Variants in WNT9B observed in about 807,000 individuals in gnomAD.
The protein encoded by WNT9B is Wnt family member 9B, also known as protein Wnt-9b.
A neutral mutation model predicts 30.2 loss-of-function variants in WNT9B; 12 were observed. The ratio of observed to expected loss-of-function variants is 0.40; its 90% CI spans 0.26 to 0.64. The LOEUF is 0.64. Among genes scored for constraint, WNT9B ranks in the 30% least tolerant of loss-of-function variants. The pLI, the probability that WNT9B is intolerant of heterozygous loss-of-function variation, is 0.42. For synonymous variants in WNT9B, 218 were observed against 216.9 expected, an observed-to-expected ratio of 1.01 and a Z score of -0.05; for missense variants, 442 against 485.2, an observed-to-expected ratio of 0.91 and a Z score of 0.84.
At position 46,876,991 on chromosome 17, in the gene WNT9B, G is replaced by A. The variant is rs1031546894; in HGVS notation, c.*273G>A. 3.1e-6 allele frequency: 4 copies of A among 1,276,754 alleles called. No individual in the cohort carries two copies. The highest frequency in any genetic ancestry group is 3.9e-6 in the Non-Finnish European group (4 of 1,014,064). The allele number at this position is 1,276,754 out of a possible 1,614,324, so 79.1% of individuals were successfully genotyped here. A position where few individuals can be genotyped will look rare whatever the true frequency, so the allele number is the denominator to read the frequency against. ...AGGAGGGCAGAGTGAGAAAGACATG[G>A]AGGGAAATAAGGGAGACCAAGAGCA... On this transcript the variant is annotated 3_prime_UTR_variant, in exon 4 of 4. Transcript: ENST00000290015.
At chr17:46,861,351 G>A (rs1039768729) in intron 1 of WNT9B, among the ~76,000 whole-genome samples, 1 of 152,124 alleles carries the variant, frequency 6.6e-6, no homozygotes, top group African/African-American at 2.4e-5. Context: ...AGTGCTCCCT[G>A]GTCTGCAGTG....
Position 46,877,938 on chromosome 17 carries a change from C to T in WNT9B, c.*1220C>T, listed in dbSNP as rs1258250494. 5.3e-5 allele frequency among the ~76,000 whole-genome samples: 8 copies of T among 152,258 alleles called. No individual in the cohort carries two copies. Among genetic ancestry groups the T allele is most frequent in the Non-Finnish European group, 7.4e-5 (5 of 68,022 alleles). On this transcript the variant is annotated 3_prime_UTR_variant, in exon 4 of 4. Coordinates refer to ENST00000290015, the MANE Select transcript of WNT9B (RefSeq NM_003396.3). ...CTTTGGCTCTTACTTGAGGAGGAGA[C>T]GTGACTTTGATAATTTCCTCAGATC...
At chr17:46,874,216 G>A (rs1190582237) in intron 2 of WNT9B, among the ~76,000 whole-genome samples, 9 of 152,174 alleles carry the variant, frequency 5.9e-5, no homozygotes, top group Admixed American at 2.0e-4. Flanking sequence ...TCTGGAGTGG[G>A]TGGGATGGTC....
rs753857902 is a variant in WNT9B, at chr17:46,876,578, AGCAGCCTGTGCTGCGG to A, written c.937_952del (p.Ser313GlyfsTer128). 7.4e-6 allele frequency: 12 copies of A among 1,613,492 alleles called. No homozygotes were observed. The highest frequency in any genetic ancestry group is 1.3e-5 in the African/African-American group (1 of 74,950). On this transcript the variant is annotated frameshift_variant, in exon 4 of 4. Transcript: ENST00000290015. LOFTEE classifies it high-confidence loss of function. ...GGTGTGCTCCCGGGAGGCCAGCTGC[AGCAGCCTGTGCTGCGG>A]GCGGGGCTATGACACCCAGAGCCGC...
chr17:46,861,856 A>T (rs976373587), intron 1 of WNT9B, among the ~76,000 whole-genome samples: 3 of 152,100 alleles, frequency 2.0e-5, no homozygotes, highest in Non-Finnish European at 2.9e-5. Flanking sequence ...AGAATTCAAC[A>T]TTTCTCTTTG....
At chr17:46,873,284 T>C (rs1434139348) in intron 2 of WNT9B, among the ~76,000 whole-genome samples, 9 of 152,154 alleles carry the variant, frequency 5.9e-5, no homozygotes, top group Non-Finnish European at 1.0e-4. Context: ...TCCACTCCCA[T>C]TCTACCTCCC....
At chr17:46,882,849 T>A (rs923527372), downstream of WNT9B, among the ~76,000 whole-genome samples, 4 of 152,108 alleles carry the variant, frequency 2.6e-5, no homozygotes, top group Non-Finnish European at 5.9e-5. Context: ...AGCAAAGAGA[T>A]GGCTGGCATG....
chr17:46,869,828 G>A (rs193111875), intron 1 of WNT9B, among the ~76,000 whole-genome samples: 48 of 151,966 alleles, frequency 3.2e-4, no homozygotes, highest in Admixed American at 1.8e-3. Context: ...GTGAAACCCC[G>A]TCTCTACTAA....
intron 1 of WNT9B, among the ~76,000 whole-genome samples, chr17:46,845,537 CA>C (rs2084766130): frequency 6.8e-6 from 1 of 148,100 alleles, no homozygotes; most frequent in Non-Finnish European, 1.5e-5. Context: ...TCACCCTGGC[CA>C]GAGTGCAGTG....
chr17:46,856,121 T>C (rs1448191417), intron 1 of WNT9B, among the ~76,000 whole-genome samples: 1 of 152,228 alleles, frequency 6.6e-6, no homozygotes, highest in Non-Finnish European at 1.5e-5. Context: ...TGAGTTTCTT[T>C]CCTCTCTAGG....
chr17:46,872,118 G>T (rs771941470), intron 1 of WNT9B, among the ~76,000 whole-genome samples: 1 of 152,136 alleles, frequency 6.6e-6, no homozygotes, highest in Non-Finnish European at 1.5e-5. Flanking sequence ...CAAACTTCCC[G>T]GATCACAAAA....
intron 1 of WNT9B, among the ~76,000 whole-genome samples, chr17:46,868,446 A>C (rs978259908): frequency 6.6e-6 from 1 of 151,494 alleles, no homozygotes; most frequent in African/African-American, 2.4e-5. Context: ...ACACAAAAAA[A>C]ATAGCTGGGC....
downstream of WNT9B, among the ~76,000 whole-genome samples, chr17:46,884,457 A>G (rs1029497855): frequency 6.6e-6 from 1 of 151,692 alleles, no homozygotes; most frequent in South Asian, 2.1e-4. Context: ...TCTGCTTCTC[A>G]TGTTTCCCCA....
chr17:46,870,475 C>T (rs949449297), intron 1 of WNT9B, among the ~76,000 whole-genome samples: 43 of 152,342 alleles, frequency 2.8e-4, no homozygotes, highest in African/African-American at 9.4e-4. Context: ...TAATGATTAA[C>T]GGGTCCCTGC....
chr17:46,873,578 C>T (rs923909988), intron 2 of WNT9B, among the ~76,000 whole-genome samples: 1 of 152,160 alleles, frequency 6.6e-6, no homozygotes, highest in African/African-American at 2.4e-5. Context: ...GAACTTCTAG[C>T]CTGGGCGCAG....
downstream of WNT9B, chr17:46,885,309 A>ATT (rs34009460): frequency 3.8e-3 from 800 of 209,692 alleles, no homozygotes; most frequent in South Asian, 8.6e-3. Context: ...CCTGGCCAGC[A>ATT]TTTTTTTTTT....
At chr17:46,885,030 G>A (rs532002574), downstream of WNT9B, 87 of 433,980 alleles carry the variant, frequency 2.0e-4, 2 homozygotes, top group South Asian at 1.2e-3. Flanking sequence ...TTCTTGTTGC[G>A]CAGGTTGGAG....
chr17:46,875,858 T>C (rs754237315), intron 3 of WNT9B, among the ~76,000 whole-genome samples: 4 of 152,142 alleles, frequency 2.6e-5, no homozygotes, highest in Non-Finnish European at 4.4e-5. Context: ...TCTTGGTCTA[T>C]TGAGGGGAGG....
chr17:46,841,421 A>C (rs1207954476), intron 1 of WNT9B, among the ~76,000 whole-genome samples: 1 of 152,164 alleles, frequency 6.6e-6, no homozygotes, highest in Non-Finnish European at 1.5e-5. Context: ...ACCGAGTGAG[A>C]GTGAGAGTTC....
Sources: gnomAD v4.1 joint callset for allele counts (sites outside exome capture counted in the v4.1 genomes callset) on GRCh38, gnomAD v4.1.1 for gene constraint, MANE v1.5 for transcripts, NCBI Gene and HGNC (gene_info 2026-07-23, HGNC 2026-07-21) for gene names.